KANSL1: variants seen among roughly 807,000 people sequenced by gnomAD.
KANSL1 encodes MLL1/MLL complex subunit KANSL1.
In KANSL1, 22 loss-of-function variants were observed where a neutral mutation model predicts 103.6. The ratio of observed to expected loss-of-function variants is 0.21; its 90% CI spans 0.15 to 0.30. The LOEUF (loss-of-function observed/expected upper bound fraction) is 0.30. Ranked by LOEUF, KANSL1 falls within the 10% of genes least tolerant of loss-of-function variation. KANSL1 has a pLI of 1.00. For synonymous variants in KANSL1, 600 were observed against 527.6 expected (o/e 1.14, Z -1.88); for missense variants, 1,337 against 1,399.8 (o/e 0.96, Z 0.72).
intron 6 of KANSL1, among the ~76,000 whole-genome samples, chr17:46,063,359 T>C (rs896998624): frequency 2.0e-5 from 3 of 152,350 alleles, no homozygotes; most frequent in South Asian, 2.1e-4. Flanking sequence ...AAAAATGCTG[T>C]TGAATAAATC....
chr17:46,166,846 A>C (rs1275915557), intron 2 of KANSL1, among the ~76,000 whole-genome samples: 1 of 152,170 alleles, frequency 6.6e-6, no homozygotes, highest in Non-Finnish European at 1.5e-5. Context: ...ACAAACATAC[A>C]ATTATTCTTG....
chr17:46,123,790 CA>C (rs1241681115), intron 2 of KANSL1, among the ~76,000 whole-genome samples: 7 of 152,234 alleles, frequency 4.6e-5, no homozygotes, highest in Admixed American at 2.0e-4. Flanking sequence ...CCTAAAAGTG[CA>C]AGGTGAAGCA....
At chr17:46,124,628 G>A (rs1209770936) in intron 2 of KANSL1, among the ~76,000 whole-genome samples, 5 of 152,166 alleles carry the variant, frequency 3.3e-5, no homozygotes, top group African/African-American at 1.2e-4. Context: ...AATTATTCTG[G>A]AAAGGATTCA....
chr17:46,130,081 G>A (rs2043775573), intron 2 of KANSL1, among the ~76,000 whole-genome samples: 1 of 151,634 alleles, frequency 6.6e-6, no homozygotes, highest in South Asian at 2.1e-4. Flanking sequence ...AGATGCTCAG[G>A]AGGCTGAGAC....
At chr17:46,149,570 G>C (rs1468683746) in intron 2 of KANSL1, among the ~76,000 whole-genome samples, 1 of 152,272 alleles carries the variant, frequency 6.6e-6, no homozygotes. Context: ...GAGTATGACT[G>C]TGTTCCAATA....
At chr17:46,058,733 ACACACACACACTCTCTCTCTCTCTCTCT>A (rs1161634621) in intron 6 of KANSL1, among the ~76,000 whole-genome samples, 36 of 61,318 alleles carry the variant, frequency 5.9e-4, no homozygotes, top group East Asian at 1.5e-3. Flanking sequence ...ACACACACAC[ACACACACACACTCTCTCTCTCTCTCTCT>A]CTCTCTCTCT....
At chr17:46,115,554 T>C (rs2043008366) in intron 2 of KANSL1, among the ~76,000 whole-genome samples, 1 of 152,186 alleles carries the variant, frequency 6.6e-6, no homozygotes, top group Non-Finnish European at 1.5e-5. Context: ...AAGATAACTT[T>C]AGATATGTAT....
chr17:46,198,550 G>A (rs931962400), upstream of KANSL1, among the ~76,000 whole-genome samples: 16 of 151,734 alleles, frequency 1.1e-4, no homozygotes, highest in Admixed American at 3.9e-4. Flanking sequence ...TGGGCAACAT[G>A]GTGAAACCCT....
At chr17:46,146,959 G>C (rs1373431522) in intron 2 of KANSL1, among the ~76,000 whole-genome samples, 1 of 152,004 alleles carries the variant, frequency 6.6e-6, no homozygotes, top group Non-Finnish European at 1.5e-5. Context: ...GGTAGTTCCA[G>C]CTACACAGGA....
At chr17:46,092,715 T>TGGGGGGG (rs71138524) in intron 3 of KANSL1, among the ~76,000 whole-genome samples, 3 of 21,616 alleles carry the variant, frequency 1.4e-4, no homozygotes, top group Non-Finnish European at 1.4e-4. Flanking sequence ...TTTTTTTTTT[T>TGGGGGGG]GGGGGGGGGG....
chr17:46,104,303 A>C (rs2042440105), intron 2 of KANSL1, among the ~76,000 whole-genome samples: 1 of 152,234 alleles, frequency 6.6e-6, no homozygotes, highest in Admixed American at 6.5e-5. Flanking sequence ...TACCCTATGC[A>C]AATTTCCAAC....
At chr17:46,195,050 T>C (rs1177362914), upstream of KANSL1, among the ~76,000 whole-genome samples, 1 of 152,270 alleles carries the variant, frequency 6.6e-6, no homozygotes. Context: ...AGTCTTGGAT[T>C]TTTAATTTAC....
chr17:46,073,213 T>C (rs1450171331), intron 4 of KANSL1, among the ~76,000 whole-genome samples: 1 of 152,220 alleles, frequency 6.6e-6, no homozygotes, highest in African/African-American at 2.4e-5. Context: ...ATAGCTTACA[T>C]TTTTAGCATG....
At chr17:46,165,439 A>T (rs1437380346) in intron 2 of KANSL1, among the ~76,000 whole-genome samples, 3 of 151,960 alleles carry the variant, frequency 2.0e-5, no homozygotes, top group African/African-American at 7.3e-5. Flanking sequence ...TCACCGTGTT[A>T]GCCAGGATGG....
chr17:46,155,266 T>A (rs1245990935), intron 2 of KANSL1, among the ~76,000 whole-genome samples: 1 of 150,686 alleles, frequency 6.6e-6, no homozygotes, highest in East Asian at 2.0e-4. Flanking sequence ...CAAGCGATTC[T>A]CCTGCCTCAA....
At chr17:46,163,064 C>T (rs1036860508) in intron 2 of KANSL1, among the ~76,000 whole-genome samples, 77 of 152,344 alleles carry the variant, frequency 5.1e-4, no homozygotes, top group Middle Eastern at 3.4e-3. Flanking sequence ...CCAATATGCA[C>T]CCTCAGATCA....
chr17:46,066,092 A>AAGCAATCCTCCCG (rs1464023230), intron 6 of KANSL1, among the ~76,000 whole-genome samples: 3 of 152,200 alleles, frequency 2.0e-5, no homozygotes, highest in African/African-American at 7.2e-5. Context: ...TCCTAGGCTC[A>AAGCAATCCTCCCG]AGCAATCCTC....
chr17:46,146,699 GGC>G lies in KANSL1; in HGVS notation c.1289+24154_1289+24155del. The stretch of plus-strand genomic sequence containing the variant: ...ATACAAAAAATTAGCCGGGCGTAGT[GGC>G]GGGCGCCTGTAGTCCCAGCTACTTG... On this transcript the variant is annotated intron_variant, in intron 2 of 14. Coordinates refer to ENST00000432791, the MANE Select transcript of KANSL1 (RefSeq NM_015443.4). Among the ~76,000 whole-genome samples the G allele has an allele frequency of 2.1e-5, 3 of 143,954 alleles. 1 individual carries two copies. Among genetic ancestry groups the G allele is most frequent in the Non-Finnish European group, 4.8e-5 (3 of 63,068 alleles). The allele number at this position is 143,954 out of a possible 152,430, so 94.4% of individuals were successfully genotyped here.
intron 3 of KANSL1, among the ~76,000 whole-genome samples, chr17:46,086,644 T>C (rs2079174720): frequency 2.6e-5 from 4 of 152,206 alleles, no homozygotes; most frequent in Middle Eastern, 3.4e-3. Flanking sequence ...TATAGGATAG[T>C]GAGGGGATTA....
Sources: gnomAD v4.1 joint callset for allele counts (sites outside exome capture counted in the v4.1 genomes callset) on GRCh38, gnomAD v4.1.1 for gene constraint, MANE v1.5 for transcripts, NCBI Gene and HGNC (gene_info 2026-07-23, HGNC 2026-07-21) for gene names.